The following DOT1L variants were observed in gnomAD, a reference collection of about 807,000 sequenced individuals.
DOT1L encodes DOT1 like histone lysine methyltransferase.
DOT1L carries 33 observed loss-of-function variants against 153.3 expected under a neutral mutation model. The ratio of observed to expected loss-of-function variants is 0.22; its 90% confidence interval spans 0.16 to 0.29. The LOEUF (loss-of-function observed/expected upper bound fraction) is 0.29, where lower values mean the gene tolerates loss of function less well. DOT1L is among the 10% of genes least tolerant of loss of function. The probability of loss-of-function intolerance (pLI) is 1.00; values close to 1 mark genes in which losing one functional copy is unlikely to be tolerated. For synonymous variants in DOT1L, 1,135 were observed against 965.1 expected, an observed-to-expected ratio of 1.18 and a Z score of -3.26; for missense variants, 1,847 against 2,119.9, an observed-to-expected ratio of 0.87 and a Z score of 2.53.
At position 2,226,267 on chromosome 19, in the gene DOT1L, C is replaced by G; in HGVS notation, c.3746C>G (p.Ser1249Cys). ...TGGAAGTCCACCTTCTCGCCCATCT[C>G]CGACATCGGCCTGGCCAAGTCGGCG... ...SKWKSTFSPI[S>C]DIGLAKSADS... is the part of the protein sequence containing the mutation. Residue 1249 changes from serine (S) to cysteine (C), a missense_variant, in exon 27 of 28, where the codon TCC (serine) becomes TGC (cysteine). Around this residue, in one of 8 missense-constraint regions of DOT1L, gnomAD observed 934 missense variants for 825.3 expected, o/e 1.13. Transcript: ENST00000398665. 3 of 1,589,764 alleles carry G rather than the reference C, an allele frequency of 1.9e-6. No homozygotes were observed. The highest frequency in any genetic ancestry group is 2.6e-6 in the Non-Finnish European group (3 of 1,166,844).
chr19:2,220,462 T>A lies in DOT1L; in HGVS notation c.2806+240T>A, dbSNP rs781329072. ...TGGGTCTCCCGACACTGACACCTCC[T>A]GCTTGGGTGTATTAATTCAGCCCGT... On this transcript the variant is annotated intron_variant, in intron 23 of 27. Transcript: ENST00000398665. This position sits in a 1 kb window ranked among gnomAD's most constrained non-coding sequence, Gnocchi z 4.5. 3 of 627,304 alleles carry A rather than the reference T, an allele frequency of 4.8e-6. No individual in the cohort carries two copies. The East Asian group carries it at 9.6e-5, about 20-fold the overall frequency. 38.9% of individuals were successfully genotyped at this position (627,304 alleles called of 1,614,324 possible).
intron 5 of DOT1L, among the ~76,000 whole-genome samples, chr19:2,192,545 C>T (rs376605177): frequency 6.6e-5 from 10 of 151,872 alleles, no homozygotes; most frequent in South Asian, 6.3e-4. Flanking sequence ...TGGTGGCGCG[C>T]GCCTGTAATC....
At chr19:2,177,255 G>A (rs2021989480) in intron 1 of DOT1L, among the ~76,000 whole-genome samples, 1 of 152,184 alleles carries the variant, frequency 6.6e-6, no homozygotes, top group African/African-American at 2.4e-5. Context: ...ACGACCAGGT[G>A]TGCTGCACTC....
Position 2,231,299 on chromosome 19 carries a change from G to C in DOT1L, c.*1507G>C, listed in dbSNP as rs1377529043. 2.3e-5 allele frequency: 5 copies of C among 220,964 alleles called. No homozygotes were observed. Among genetic ancestry groups the C allele is most frequent in the East Asian group, 1.3e-4 (2 of 15,262 alleles). 13.7% of individuals were successfully genotyped at this position (220,964 alleles called of 1,614,324 possible). On this transcript the variant is annotated 3_prime_UTR_variant, in exon 28 of 28. Coordinates refer to ENST00000398665, the MANE Select transcript of DOT1L (RefSeq NM_032482.3). Reference sequence around the variant, plus strand: ...GGAGCCCCTTCCCCAAGGTGCCACAGATCCACCCTCCAGGGAGCTGCCAGC... The same window carrying C: ...GGAGCCCCTTCCCCAAGGTGCCACACATCCACCCTCCAGGGAGCTGCCAGC...
chr19:2,217,120 A>G lies in DOT1L; in HGVS notation c.2544+30A>G, dbSNP rs1401309569. On this transcript the variant is annotated intron_variant, in intron 21 of 27. Coordinates refer to ENST00000398665, the MANE Select transcript of DOT1L (RefSeq NM_032482.3). The surrounding 1 kb of genome is among the most constrained non-coding windows in gnomAD (Gnocchi z 7.3). ...GGGCCGCGACCCCTGCCCCGGGCTC[A>G]GGGAGGTGCTCAGCAGAGGCGGCCT... The G allele has an allele frequency of 1.9e-6, 3 of 1,557,492 alleles. No individual in the cohort carries two copies. The highest frequency in any genetic ancestry group is 2.6e-6 in the Non-Finnish European group (3 of 1,150,760).
At chr19:2,210,997 GC>G in intron 14 of DOT1L, 101 bp from the exon 15 acceptor site, 1 of 1,455,352 alleles carries the variant, frequency 6.9e-7, no homozygotes, top group Non-Finnish European at 9.5e-7. Context: ...CTTCAGGGTG[GC>G]CCCATCCTAA....
chr19:2,165,765 T>C (rs538167826), intron 1 of DOT1L, among the ~76,000 whole-genome samples: 86 of 148,074 alleles, frequency 5.8e-4, no homozygotes, highest in African/African-American at 2.1e-3. Flanking sequence ...GTACATGGCT[T>C]CACATTTTTT....
At chr19:2,185,773 C>A in intron 2 of DOT1L, 82 bp from the exon 3 acceptor site, 1 of 1,438,896 alleles carries the variant, frequency 6.9e-7, no homozygotes, top group Non-Finnish European at 9.7e-7. Flanking sequence ...CGTCTCAAAA[C>A]AAAAACAAAA....
intron 8 of DOT1L, among the ~76,000 whole-genome samples, chr19:2,200,468 T>C (rs2023207458): frequency 6.6e-6 from 1 of 152,212 alleles, no homozygotes; most frequent in South Asian, 2.1e-4. Context: ...CTGTTTGTCC[T>C]GGTGGCCACG....
intron 1 of DOT1L, among the ~76,000 whole-genome samples, chr19:2,168,544 G>A (rs899619659): frequency 6.6e-6 from 1 of 152,186 alleles, no homozygotes; most frequent in African/African-American, 2.4e-5. Flanking sequence ...AACGCAAGGG[G>A]GAGGAAGGGA....
In DOT1L at chr19:2,230,666, G is replaced by A. The variant is rs1035947634; in HGVS notation, c.*874G>A. 3 of 398,250 alleles carry A rather than the reference G, an allele frequency of 7.5e-6. No individual in the cohort carries two copies. The highest frequency in any genetic ancestry group is 2.1e-5 in the African/African-American group (1 of 48,634). 24.7% of individuals were successfully genotyped at this position (398,250 alleles called of 1,614,324 possible). A position where few individuals can be genotyped will look rare whatever the true frequency, so the allele number is the denominator to read the frequency against. Reference sequence around the variant, plus strand: ...TGGCAGTATTTTATAGAGATGTGATGAGAATTTATAAATTTCATAGATTTG... The same window carrying A: ...TGGCAGTATTTTATAGAGATGTGATAAGAATTTATAAATTTCATAGATTTG... On this transcript the variant is annotated 3_prime_UTR_variant, in exon 28 of 28. Transcript: ENST00000398665.
Position 2,220,335 on chromosome 19 carries a change from C to A in DOT1L, c.2806+113C>A. 1.9e-6 allele frequency: 2 copies of A among 1,070,116 alleles called. No homozygotes were observed. The highest frequency in any genetic ancestry group is 2.8e-6 in the Non-Finnish European group (2 of 719,920). 66.3% of individuals were successfully genotyped at this position (1,070,116 alleles called of 1,614,324 possible). A position where few individuals can be genotyped will look rare whatever the true frequency, so the allele number is the denominator to read the frequency against. ...GGGCTTCCTGGGGTGATCATGGGGG[C>A]TGCTGCCCCAAACCGCCACGCCTCA... On this transcript the variant is annotated intron_variant, in intron 23 of 27. Transcript: ENST00000398665. The surrounding 1 kb of genome is among the most constrained non-coding windows in gnomAD (Gnocchi z 4.5).
At chr19:2,225,794 G>A (rs2024304858) in intron 26 of DOT1L, among the ~76,000 whole-genome samples, 1 of 152,096 alleles carries the variant, frequency 6.6e-6, no homozygotes, top group Non-Finnish European at 1.5e-5. Flanking sequence ...TGGTGCCTGC[G>A]TCCTCAGTGA....
At chr19:2,167,229 G>A (rs2019957381) in intron 1 of DOT1L, among the ~76,000 whole-genome samples, 1 of 152,226 alleles carries the variant, frequency 6.6e-6, no homozygotes, top group African/African-American at 2.4e-5. Flanking sequence ...CGCACGGCCT[G>A]TGCTAAGCGT....
rs1393664931 is a variant in DOT1L, at chr19:2,190,270, T to C, written c.264+475T>C. Among the ~76,000 whole-genome samples the C allele has an allele frequency of 1.3e-5, 2 of 152,100 alleles. No homozygotes were observed. The highest frequency in any genetic ancestry group is 2.9e-5 in the Non-Finnish European group (2 of 67,996). ...TCCTCACAGAGGACGGGGCACACAG[T>C]GAGCTGGGGTGTAGCAGGGAGGGGA... On this transcript the variant is annotated intron_variant, in intron 4 of 27. Transcript: ENST00000398665. The surrounding 1 kb of genome is among the most constrained non-coding windows in gnomAD (Gnocchi z 4.8).
rs773448901 is a variant in DOT1L, at chr19:2,217,768, G to A, written c.2545-4G>A. The A allele has an allele frequency of 1.3e-6, 2 of 1,599,594 alleles. No homozygotes were observed. Among genetic ancestry groups the A allele is most frequent in the Non-Finnish European group, 8.5e-7 (1 of 1,174,066 alleles). ...ACGACTGGGGGTCGGGCCTTCGTCT[G>A]CAGGGCCTGAGAGAGCGCGCCTACG... On this transcript the variant is annotated splice_polypyrimidine_tract_variant and splice_region_variant and intron_variant, in intron 21 of 27. Transcript: ENST00000398665. The surrounding 1 kb of genome is among the most constrained non-coding windows in gnomAD (Gnocchi z 7.3).
At chr19:2,182,825 C>T (rs1158329174) in intron 2 of DOT1L, among the ~76,000 whole-genome samples, 3 of 152,158 alleles carry the variant, frequency 2.0e-5, no homozygotes, top group Admixed American at 6.5e-5. Flanking sequence ...GCTGCATGCT[C>T]GCCTTCTGCA....
intron 27 of DOT1L, chr19:2,228,407 G>A: frequency 4.0e-6 from 5 of 1,254,866 alleles, no homozygotes; most frequent in Non-Finnish European, 5.1e-6. Flanking sequence ...CTGCGCGGTG[G>A]CTCACTCCAG....
At chr19:2,214,419 G>C (rs2023827234) in intron 18 of DOT1L, 52 bp from the exon 19 acceptor site, 1 of 1,598,686 alleles carries the variant, frequency 6.3e-7, no homozygotes. Flanking sequence ...AGTGTGGGGT[G>C]TGCTGGGCAG....
Sources: gnomAD v4.1 joint callset for allele counts (sites outside exome capture counted in the v4.1 genomes callset) on GRCh38, gnomAD v4.1.1 for gene constraint, gnomAD v4.1.1 regional missense constraint, Gnocchi (gnomAD v3.1) non-coding constraint, MANE v1.5 for transcripts, NCBI Gene and HGNC (gene_info 2026-07-23, HGNC 2026-07-21) for gene names.